The following SULT1A1 variants were observed in gnomAD, a reference collection of about 807,000 sequenced individuals.
The protein encoded by SULT1A1 is sulfotransferase 1A1.
In SULT1A1, 35 loss-of-function variants were observed where a neutral mutation model predicts 36.8. The ratio of observed to expected loss-of-function variants is 0.95; its 90% CI spans 0.73 to 1.26. The LOEUF (loss-of-function observed/expected upper bound fraction) is 1.26, where lower values mean the gene tolerates loss of function less well. Ranked by LOEUF, SULT1A1 falls within the 50% of genes most tolerant of loss-of-function variation. The pLI, the probability that SULT1A1 is intolerant of heterozygous loss-of-function variation, is 0.00. For synonymous variants in SULT1A1, 119 were observed against 146.0 expected (o/e 0.82, Z 1.33); for missense variants, 309 against 383.0 (o/e 0.81, Z 1.61).
In SULT1A1 at chr16:28,621,742, C is replaced by T. The variant is rs1362155244; in HGVS notation, c.67+1389G>A. On this transcript the variant is annotated intron_variant, in intron 1 of 5. Coordinates refer to the SULT1A1 transcript ENST00000350842. The stretch of plus-strand genomic sequence containing the variant: ...GTCTGTTCTCCTGACCCACTGACCC[C>T]GTCAGGCTTAAGACCCATAGAGATT... 5.9e-5 allele frequency among the ~76,000 whole-genome samples: 9 copies of T among 152,170 alleles called. No individual in the cohort carries two copies. In the South Asian group the frequency reaches 8.3e-4, roughly 14 times the overall value.
upstream of SULT1A1, chr16:28,610,288 T>TTTC: frequency 9.3e-7 from 1 of 1,071,012 alleles, no homozygotes; most frequent in Non-Finnish European, 1.2e-6. Flanking sequence ...TTTTTTTTTT[T>TTTC]TTCCGAGCTG....
At chr16:28,609,673 A>C (rs1228826402) in intron 1 of SULT1A1, 1 of 395,082 alleles carries the variant, frequency 2.5e-6, no homozygotes, top group East Asian at 7.6e-5. Flanking sequence ...CAAGAGAATC[A>C]CTTGAGCCCA....
chr16:28,606,369 C>T (rs951779906), intron 6 of SULT1A1, 133 bp from the exon 7 acceptor site: 5 of 1,479,772 alleles, frequency 3.4e-6, no homozygotes, highest in Non-Finnish European at 4.6e-6. Context: ...CTCCTCAACC[C>T]CCAGGGCCCC....
intron 1 of SULT1A1, chr16:28,609,497 CT>C: frequency 9.8e-7 from 1 of 1,017,750 alleles, no homozygotes; most frequent in Middle Eastern, 2.4e-4. Context: ...GGCAGGGTGG[CT>C]CCCACCTATA....
chr16:28,619,061 G>C (rs1270560805), intron 2 of SULT1A1, among the ~76,000 whole-genome samples: 1 of 152,074 alleles, frequency 6.6e-6, no homozygotes, highest in African/African-American at 2.4e-5. Context: ...TGTTGCCCAG[G>C]CTGGAGTGCA....
intron 1 of SULT1A1, chr16:28,609,583 A>T: frequency 2.4e-6 from 1 of 422,594 alleles, no homozygotes; most frequent in Non-Finnish European, 4.2e-6. Context: ...CCCATCTCTA[A>T]AAATCTTTAA....
Position 28,605,786 on chromosome 16 carries a change from G to C in SULT1A1, c.*35C>G, listed in dbSNP as rs561553449. ...TGAGCCGCTTGGTCAGGTTTGATTC[G>C]CACACTCCCTCTGCAGTGACTCCAG... On this transcript the variant is annotated 3_prime_UTR_variant, in exon 8 of 8. Coordinates refer to ENST00000314752, the MANE Select transcript of SULT1A1 (RefSeq NM_001055.4). The C allele has an allele frequency of 1.1e-5, 18 of 1,609,754 alleles. No individual in the cohort carries two copies. The highest frequency in any genetic ancestry group is 1.4e-5 in the Non-Finnish European group (17 of 1,178,146).
At chr16:28,611,217 T>C (rs2047441681), upstream of SULT1A1, 1 of 152,088 alleles carries the variant, frequency 6.6e-6, no homozygotes, top group African/African-American at 2.4e-5. Context: ...GAATGTGAGA[T>C]TAATAGAGTG....
At position 28,609,966 on chromosome 16, in the gene SULT1A1, G is replaced by A. The variant is rs746615452; in HGVS notation, c.-40C>T. On this transcript the variant is annotated 5_prime_UTR_variant, in exon 1 of 8. Coordinates refer to ENST00000314752, the MANE Select transcript of SULT1A1 (RefSeq NM_001055.4). Reference sequence around the variant, plus strand: ...GGGAACCTGGCCTCGTGCCCTCCTCGCCCGCAGTGGCTGATTGTGGGTGTT... The same window carrying A: ...GGGAACCTGGCCTCGTGCCCTCCTCACCCGCAGTGGCTGATTGTGGGTGTT... 4.0e-5 allele frequency: 51 copies of A among 1,288,010 alleles called. 1 individual carries two copies. Among genetic ancestry groups the A allele is most frequent in the South Asian group, 2.6e-4 (21 of 80,954 alleles). 79.8% of individuals were successfully genotyped at this position (1,288,010 alleles called of 1,614,324 possible).
At position 28,608,487 on chromosome 16, in the gene SULT1A1, T is replaced by A. The variant is rs765274538; in HGVS notation, c.265A>T (p.Ile89Phe). Reference protein sequence around the residue: ...VPFLEFKAPGIPSGMETLKDT... With the variant: ...VPFLEFKAPGFPSGMETLKDT... ...GGACACACTCACACACCTGAGGGAA[T>A]CCCTGGGGCTTTGAACTCAAGGAAG... Residue 89 changes from isoleucine (I) to phenylalanine (F), a missense_variant, in exon 3 of 8, where the codon ATT (isoleucine) becomes TTT (phenylalanine). Physicochemically the swap from Ile to Phe is conservative, Grantham distance 21 (BLOSUM62 0). Coordinates refer to ENST00000314752, the MANE Select transcript of SULT1A1 (RefSeq NM_001055.4). 3 of 1,612,442 alleles carry A rather than the reference T, an allele frequency of 1.9e-6. No individual in the cohort carries two copies. Among genetic ancestry groups the A allele is most frequent in the Admixed American group, 3.3e-5 (2 of 59,904 alleles).
rs2047380569 is a variant in SULT1A1 at position 28,609,917 on chromosome 16, A to G, written c.-5+14T>C. 2 of 1,283,762 alleles carry G rather than the reference A, an allele frequency of 1.6e-6. No individual in the cohort carries two copies. The highest frequency in any genetic ancestry group is 1.2e-5 in the South Asian group (1 of 80,380). 79.5% of individuals were successfully genotyped at this position (1,283,762 alleles called of 1,614,324 possible). On this transcript the variant is annotated intron_variant, in intron 1 of 7. Coordinates refer to ENST00000314752, the MANE Select transcript of SULT1A1 (RefSeq NM_001055.4). ...GGGTGAGGGCGCCCTGGGCCGTTCC[A>G]CTGTGTCACTCACCTGAGCTCTTGG...
chr16:28,621,983 T>C (rs1041182751), intron 1 of SULT1A1, among the ~76,000 whole-genome samples: 4 of 152,134 alleles, frequency 2.6e-5, no homozygotes, highest in Admixed American at 2.6e-4. Context: ...TTAAATCAGC[T>C]CCTAAATGAC....
intron 2 of SULT1A1, among the ~76,000 whole-genome samples, chr16:28,617,128 A>G (rs2151718019): frequency 1.3e-5 from 2 of 151,762 alleles, no homozygotes; most frequent in Admixed American, 1.3e-4. Flanking sequence ...AGATCCTCCC[A>G]CCTCAGCCTC....
At chr16:28,620,185 T>A in intron 1 of SULT1A1, 1 of 1,542,554 alleles carries the variant, frequency 6.5e-7, no homozygotes, top group South Asian at 1.1e-5. Flanking sequence ...GAGTACTGTA[T>A]AACAGTTCAT....
intron 2 of SULT1A1, among the ~76,000 whole-genome samples, chr16:28,617,316 C>T (rs147964732): frequency 1.3e-5 from 2 of 152,064 alleles, no homozygotes; most frequent in African/African-American, 4.8e-5. Flanking sequence ...GGTGCCTGGC[C>T]CCAGCAAGAC....
chr16:28,620,742 T>C (rs2047635123), intron 1 of SULT1A1, among the ~76,000 whole-genome samples: 1 of 152,196 alleles, frequency 6.6e-6, no homozygotes, highest in Non-Finnish European at 1.5e-5. Flanking sequence ...TATTGGTTAC[T>C]TTTCTCTACC....
chr16:28,611,150 A>G (rs1403203330), upstream of SULT1A1: 1 of 152,224 alleles, frequency 6.6e-6, no homozygotes, highest in East Asian at 1.9e-4. Flanking sequence ...AAGACTTTGT[A>G]TTGCACTCTA....
chr16:28,619,254 C>A (rs1463050066), intron 2 of SULT1A1, among the ~76,000 whole-genome samples: 1 of 152,180 alleles, frequency 6.6e-6, no homozygotes, highest in East Asian at 1.9e-4. Context: ...ATCAAGTGAT[C>A]TGCCTGCCTC....
intron 6 of SULT1A1, among the ~76,000 whole-genome samples, chr16:28,606,510 G>T (rs1338377013): frequency 6.6e-6 from 1 of 151,938 alleles, no homozygotes; most frequent in Admixed American, 6.6e-5. Flanking sequence ...CTTTGGCAGG[G>T]AGTAGCAATA....
Sources: gnomAD v4.1 joint callset for allele counts (sites outside exome capture counted in the v4.1 genomes callset) on GRCh38, gnomAD v4.1.1 for gene constraint, MANE v1.5 for transcripts, NCBI Gene and HGNC (gene_info 2026-07-23, HGNC 2026-07-21) for gene names.